Variants in TMEM236 observed in about 807,000 individuals in gnomAD.
TMEM236 encodes the protein family with sequence similarity 23, member A.
Under a neutral mutation model 14.7 loss-of-function variants are expected in TMEM236, and 11 were observed. That is an observed-to-expected ratio of 0.75 (90% CI 0.47 to 1.24). The LOEUF (loss-of-function observed/expected upper bound fraction) is 1.24. Ranked by LOEUF, TMEM236 falls within the 50% of genes most tolerant of loss-of-function variation. The probability of loss-of-function intolerance (pLI) is 0.00; values close to 1 mark genes in which losing one functional copy is unlikely to be tolerated. For synonymous variants in TMEM236, 182 were observed against 168.6 expected, an observed-to-expected ratio of 1.08 and a Z score of -0.62; for missense variants, 464 against 427.3, an observed-to-expected ratio of 1.09 and a Z score of -0.76.
At chr10:17,794,994 C>T (rs1756049254) in intron 3 of TMEM236, among the ~76,000 whole-genome samples, 1 of 152,176 alleles carries the variant, frequency 6.6e-6, no homozygotes, top group East Asian at 1.9e-4. Flanking sequence ...TGCTGCTACA[C>T]TCCAGCTTGG....
chr10:17,786,042 C>CT (rs201590233), intron 3 of TMEM236, among the ~76,000 whole-genome samples: 9,304 of 152,070 alleles, frequency 0.061, 940 homozygotes, highest in African/African-American at 0.21. Flanking sequence ...ATCTTGACAG[C>CT]TTTATATGAT....
intron 3 of TMEM236, among the ~76,000 whole-genome samples, chr10:17,790,803 G>C (rs1287674439): frequency 1.3e-5 from 2 of 152,112 alleles, no homozygotes; most frequent in East Asian, 1.9e-4. Flanking sequence ...AGATTTGGGG[G>C]ATTACCCTAA....
chr10:17,796,405 G>T lies in TMEM236; in HGVS notation c.957G>T (p.Leu319=). The change falls in exon 4 of 4, where the codon CTG becomes CTT. Residue 319 remains leucine, a synonymous_variant. Transcript: ENST00000377495. ...CCCTGGGGACTATCACACCCGTACTGGGCCTGTGTAAAAATATCCTCGTGA... is the reference window on the plus strand; with the variant it reads ...CCCTGGGGACTATCACACCCGTACTTGGCCTGTGTAAAAATATCCTCGTGA... ...IIALGTITPV[L]GLCKNILVTL... The T allele has an allele frequency of 6.2e-7, 1 of 1,613,740 alleles. No homozygotes were observed. Among genetic ancestry groups the T allele is most frequent in the South Asian group, 1.1e-5 (1 of 91,062 alleles).
intron 1 of TMEM236, among the ~76,000 whole-genome samples, chr10:17,754,855 T>C (rs1321000200): frequency 1.3e-5 from 2 of 152,186 alleles, no homozygotes; most frequent in Non-Finnish European, 2.9e-5. Flanking sequence ...GATCTGATTC[T>C]TACTCATCTT....
chr10:17,758,700 C>T (rs1837316166), intron 1 of TMEM236, among the ~76,000 whole-genome samples: 1 of 152,160 alleles, frequency 6.6e-6, no homozygotes. Context: ...GTTAAATCTT[C>T]AGAATGACTC....
Position 17,796,107 on chromosome 10 carries a change from G to T in TMEM236, c.659G>T (p.Cys220Phe), listed in dbSNP as rs1444905672. The T allele has an allele frequency of 6.2e-7, 1 of 1,613,874 alleles. No homozygotes were observed. The highest frequency in any genetic ancestry group is 8.5e-7 in the Non-Finnish European group (1 of 1,179,836). ...SVFMGPQEPSCDSGILRMMSR... is the reference protein window; with the variant it reads ...SVFMGPQEPSFDSGILRMMSR... ...TTCATGGGACCCCAGGAGCCCTCCT[G>T]TGACTCCGGAATCCTGAGAATGATG... The change falls in exon 4 of 4, where the codon TGT becomes TTT. Residue 220 changes from cysteine to phenylalanine, a missense_variant. By Grantham distance (205) the Cys-to-Phe change is radical. Coordinates refer to ENST00000377495, the MANE Select transcript of TMEM236 (RefSeq NM_001098844.3).
At chr10:17,764,636 G>A (rs939865607) in intron 1 of TMEM236, among the ~76,000 whole-genome samples, 20 of 152,096 alleles carry the variant, frequency 1.3e-4, no homozygotes, top group Admixed American at 9.8e-4. Context: ...TCAAGCTGAC[G>A]GCAAGGTTGG....
chr10:17,787,797 C>A lies in TMEM236; in HGVS notation c.473-8124C>A, dbSNP rs1038206909. Among the ~76,000 whole-genome samples the A allele has an allele frequency of 3.6e-4, 55 of 152,194 alleles. No homozygotes were observed. In the East Asian group the frequency reaches 9.8e-3, roughly 27 times the overall value. On this transcript the variant is annotated intron_variant, in intron 3 of 3. Coordinates refer to ENST00000377495, the MANE Select transcript of TMEM236 (RefSeq NM_001098844.3). The stretch of plus-strand genomic sequence containing the variant: ...AGTAAATATGCATAAACCAGGCTGA[C>A]GGAGGTTCTTAAGAATGCAATGACT...
chr10:17,786,914 A>T (rs897421734), intron 3 of TMEM236, among the ~76,000 whole-genome samples: 3 of 152,144 alleles, frequency 2.0e-5, no homozygotes, highest in Non-Finnish European at 4.4e-5. Flanking sequence ...AATAAGCCTT[A>T]TGAGATCTGA....
At chr10:17,784,186 C>T (rs1268994863) in intron 3 of TMEM236, among the ~76,000 whole-genome samples, 10 of 151,948 alleles carry the variant, frequency 6.6e-5, no homozygotes, top group Non-Finnish European at 1.2e-4. Flanking sequence ...CAATTATTTT[C>T]CCGAAGCAGT....
intron 3 of TMEM236, among the ~76,000 whole-genome samples, chr10:17,781,551 G>C (rs1837748730): frequency 6.6e-6 from 1 of 151,988 alleles, no homozygotes; most frequent in African/African-American, 2.4e-5. Flanking sequence ...TTTGAGACCA[G>C]CCTGGCCAAC....
intron 3 of TMEM236, among the ~76,000 whole-genome samples, chr10:17,789,625 A>T (rs930838534): frequency 1.3e-5 from 2 of 152,150 alleles, no homozygotes; most frequent in Non-Finnish European, 2.9e-5. Context: ...TCATGCTTGT[A>T]ATTCCAGTGC....
intron 3 of TMEM236, among the ~76,000 whole-genome samples, chr10:17,794,514 GTAT>G (rs34290029): frequency 0.66 from 100,387 of 151,710 alleles, 33,802 homozygotes; most frequent in African/African-American, 0.79. Flanking sequence ...CAACACCCAT[GTAT>G]TATACATGGA....
At chr10:17,778,368 A>G (rs1445396411) in intron 3 of TMEM236, among the ~76,000 whole-genome samples, 1 of 152,232 alleles carries the variant, frequency 6.6e-6, no homozygotes, top group Non-Finnish European at 1.5e-5. Context: ...TCCTACACTC[A>G]TTTTAACATG....
intron 1 of TMEM236, among the ~76,000 whole-genome samples, chr10:17,764,857 G>T (rs1837436236): frequency 2.6e-5 from 1 of 39,016 alleles, no homozygotes; most frequent in Admixed American, 2.6e-4. Flanking sequence ...TTTTGAGACG[G>T]GGTCTCATTC....
chr10:17,760,064 A>G (rs539939741), intron 1 of TMEM236, among the ~76,000 whole-genome samples: 3 of 151,462 alleles, frequency 2.0e-5, no homozygotes, highest in South Asian at 4.2e-4. Flanking sequence ...GGCCCTGACA[A>G]CTGAAACACA....
At chr10:17,762,618 T>TACAC (rs1300902533) in intron 1 of TMEM236, among the ~76,000 whole-genome samples, 1 of 63,942 alleles carries the variant, frequency 1.6e-5, no homozygotes, top group African/African-American at 9.1e-5. Context: ...TATATATATA[T>TACAC]ACACACATAC....
intron 1 of TMEM236, among the ~76,000 whole-genome samples, chr10:17,764,029 G>A (rs935025164): frequency 6.8e-4 from 103 of 152,232 alleles, no homozygotes; most frequent in African/African-American, 2.4e-3. Flanking sequence ...TTGAGTTGTC[G>A]TAAAGAGCTG....
At chr10:17,758,904 T>TTTTATTATG (rs1381877522) in intron 1 of TMEM236, among the ~76,000 whole-genome samples, 11 of 152,210 alleles carry the variant, frequency 7.2e-5, no homozygotes, top group Non-Finnish European at 1.5e-4. Context: ...CATATTTATG[T>TTTTATTATG]TTTATTATGT....
Sources: gnomAD v4.1 joint callset for allele counts (sites outside exome capture counted in the v4.1 genomes callset) on GRCh38, gnomAD v4.1.1 for gene constraint, MANE v1.5 for transcripts, NCBI Gene and HGNC (gene_info 2026-07-23, HGNC 2026-07-21) for gene names.